The following ANGPT1 variants were observed in gnomAD, a reference collection of about 807,000 sequenced individuals.
ANGPT1 encodes angiopoietin-1.
Under a neutral mutation model 62.2 loss-of-function variants are expected in ANGPT1, and 17 were observed. That is an observed-to-expected ratio of 0.27 (90% CI 0.19 to 0.41). The LOEUF (loss-of-function observed/expected upper bound fraction) is 0.41, where lower values mean the gene tolerates loss of function less well. Ranked by LOEUF, ANGPT1 falls within the 10% of genes least tolerant of loss-of-function variation. The pLI is 1.00. For missense variants in ANGPT1, 478 were observed against 594.9 expected, an observed-to-expected ratio of 0.80 and a Z score of 2.04; for synonymous variants, 199 against 198.9, an observed-to-expected ratio of 1.00 and a Z score of 0.00.
intron 1 of ANGPT1, among the ~76,000 whole-genome samples, chr8:107,437,441 C>G (rs1263828009): frequency 6.6e-6 from 1 of 152,012 alleles, no homozygotes; most frequent in Non-Finnish European, 1.5e-5. Context: ...AGAAGGAAGA[C>G]AAAGAGAGCT....
chr8:107,399,139 T>A (rs1220657241), intron 1 of ANGPT1, among the ~76,000 whole-genome samples: 1 of 152,176 alleles, frequency 6.6e-6, no homozygotes, highest in East Asian at 1.9e-4. Context: ...GGTCAATATT[T>A]GCACAGGAGA....
At chr8:107,425,203 A>G (rs551843900) in intron 1 of ANGPT1, among the ~76,000 whole-genome samples, 2 of 152,296 alleles carry the variant, frequency 1.3e-5, no homozygotes, top group African/African-American at 2.4e-5. Context: ...ATTCCTTTCT[A>G]TGCATTGGAA....
At chr8:107,376,325 A>G (rs1816529832) in intron 1 of ANGPT1, among the ~76,000 whole-genome samples, 2 of 152,180 alleles carry the variant, frequency 1.3e-5, no homozygotes, top group African/African-American at 4.8e-5. Context: ...AAATTTTAAG[A>G]AATAATTTCA....
chr8:107,274,953 A>G (rs113699148), intron 7 of ANGPT1, among the ~76,000 whole-genome samples: 29 of 152,262 alleles, frequency 1.9e-4, no homozygotes, highest in African/African-American at 6.7e-4. Context: ...TGATAAAGAC[A>G]TGCCCAGAGC....
At chr8:107,301,902 T>C (rs185740568) in intron 5 of ANGPT1, among the ~76,000 whole-genome samples, 147 of 152,070 alleles carry the variant, frequency 9.7e-4, no homozygotes, top group African/African-American at 3.0e-3. Context: ...ACCTGGACTA[T>C]AGTCCAGACT....
At position 107,444,835 on chromosome 8, in the gene ANGPT1, C is replaced by G. The variant is rs560096456; in HGVS notation, c.297+52427G>C. On this transcript the variant is annotated intron_variant, in intron 1 of 8. Transcript: ENST00000517746. ...TTCATGGGAGATAAATTGCACCTCT[C>G]TACCCATTTTCTGAAGGGCAGGGCA... Among the ~76,000 whole-genome samples, 11 of 152,244 alleles carry G rather than the reference C, an allele frequency of 7.2e-5. No individual in the cohort carries two copies. The South Asian group carries it at 2.3e-3, about 32-fold the overall frequency.
intron 1 of ANGPT1, among the ~76,000 whole-genome samples, chr8:107,374,887 C>T (rs1816495894): frequency 6.6e-6 from 1 of 152,134 alleles, no homozygotes; most frequent in Non-Finnish European, 1.5e-5. Flanking sequence ...TCTGGCCAGG[C>T]GCGGTGGCTC....
intron 4 of ANGPT1, among the ~76,000 whole-genome samples, chr8:107,320,022 G>T (rs1325133039): frequency 2.0e-5 from 3 of 151,904 alleles, no homozygotes; most frequent in African/African-American, 7.3e-5. Context: ...ATATCTAGAG[G>T]CCTGGAATAT....
intron 4 of ANGPT1, among the ~76,000 whole-genome samples, chr8:107,316,989 C>A (rs117347667): frequency 6.6e-6 from 1 of 152,164 alleles, no homozygotes; most frequent in Admixed American, 6.5e-5. Context: ...AGGGCTAACA[C>A]GTGGAAAGCC....
At chr8:107,353,591 G>A (rs1272582548) in intron 1 of ANGPT1, among the ~76,000 whole-genome samples, 1 of 152,034 alleles carries the variant, frequency 6.6e-6, no homozygotes, top group African/African-American at 2.4e-5. Context: ...CCTGGTCATT[G>A]AGCCTCAGCA....
At chr8:107,454,623 C>T (rs1586336306) in intron 1 of ANGPT1, among the ~76,000 whole-genome samples, 1 of 152,056 alleles carries the variant, frequency 6.6e-6, no homozygotes, top group East Asian at 1.9e-4. Flanking sequence ...GTTCAGCAAT[C>T]TAAACAACCC....
At chr8:107,433,071 C>T (rs184274839) in intron 1 of ANGPT1, among the ~76,000 whole-genome samples, 4 of 152,158 alleles carry the variant, frequency 2.6e-5, no homozygotes, top group East Asian at 3.9e-4. Flanking sequence ...TCTTTTTCCC[C>T]TCTTTTTTTT....
At chr8:107,319,798 TG>T (rs1487538295) in intron 4 of ANGPT1, among the ~76,000 whole-genome samples, 2 of 152,200 alleles carry the variant, frequency 1.3e-5, no homozygotes, top group African/African-American at 4.8e-5. Context: ...TTTCCACTTT[TG>T]TGTCTCTTAT....
chr8:107,426,988 AT>A (rs1483950499), intron 1 of ANGPT1, among the ~76,000 whole-genome samples: 1 of 152,220 alleles, frequency 6.6e-6, no homozygotes, highest in Admixed American at 6.5e-5. Context: ...ATGTGTATGT[AT>A]TAAAAAGTTA....
At chr8:107,366,799 T>C (rs764973137) in intron 1 of ANGPT1, among the ~76,000 whole-genome samples, 3 of 152,214 alleles carry the variant, frequency 2.0e-5, no homozygotes, top group Admixed American at 6.5e-5. Flanking sequence ...CAATAGAATA[T>C]GGCAGAATAG....
At chr8:107,301,878 T>C (rs896100158) in intron 5 of ANGPT1, among the ~76,000 whole-genome samples, 2 of 151,784 alleles carry the variant, frequency 1.3e-5, no homozygotes, top group Non-Finnish European at 2.9e-5. Context: ...AAAGGGAAAA[T>C]AGAATTGTAT....
chr8:107,353,822 A>G (rs894438322), intron 1 of ANGPT1, among the ~76,000 whole-genome samples: 1 of 152,136 alleles, frequency 6.6e-6, no homozygotes, highest in African/African-American at 2.4e-5. Flanking sequence ...AGTCATTTCA[A>G]TAGAATTGGT....
chr8:107,384,115 G>T (rs879354343), intron 1 of ANGPT1, among the ~76,000 whole-genome samples: 2 of 152,072 alleles, frequency 1.3e-5, no homozygotes, highest in African/African-American at 2.4e-5. Context: ...AAAACCTGTG[G>T]AGTCTAAGGT....
chr8:107,375,903 T>C (rs1816522054), intron 1 of ANGPT1, among the ~76,000 whole-genome samples: 1 of 152,194 alleles, frequency 6.6e-6, no homozygotes, highest in East Asian at 1.9e-4. Flanking sequence ...CCAGGCTATA[T>C]GGTCAATCAT....
Sources: gnomAD v4.1 joint callset for allele counts (sites outside exome capture counted in the v4.1 genomes callset) on GRCh38, gnomAD v4.1.1 for gene constraint, MANE v1.5 for transcripts, NCBI Gene and HGNC (gene_info 2026-07-23, HGNC 2026-07-21) for gene names.